The following CLIC4 variants were observed in gnomAD, a reference collection of about 807,000 sequenced individuals.
CLIC4 encodes the protein chloride intracellular channel protein 4.
In CLIC4, 13 loss-of-function variants were observed where a neutral mutation model predicts 24.6. The observed-to-expected ratio is 0.53, with a 90% CI of 0.34 to 0.84. The LOEUF (loss-of-function observed/expected upper bound fraction) is 0.84, where lower values mean the gene tolerates loss of function less well. Among genes scored for constraint, CLIC4 ranks in the 40% least tolerant of loss-of-function variants. CLIC4 has a pLI of 0.01. For synonymous variants in CLIC4, 104 were observed against 111.3 expected (o/e 0.93, Z 0.41); for missense variants, 227 against 301.7 (o/e 0.75, Z 1.83).
At chr1:24,830,775 C>G (rs184820317) in intron 4 of CLIC4, among the ~76,000 whole-genome samples, 56 of 152,228 alleles carry the variant, frequency 3.7e-4, no homozygotes, top group Admixed American at 2.2e-3. Context: ...TATGAAATAG[C>G]TTCTTAGGGA....
intron 1 of CLIC4, among the ~76,000 whole-genome samples, chr1:24,749,239 AAAG>A (rs1272815738): frequency 1.3e-5 from 2 of 152,040 alleles, no homozygotes; most frequent in Non-Finnish European, 2.9e-5. Context: ...AAAAAAAAAA[AAAG>A]AAAGTAGAGA....
At chr1:24,781,807 C>T (rs573407670) in intron 1 of CLIC4, among the ~76,000 whole-genome samples, 27 of 151,830 alleles carry the variant, frequency 1.8e-4, no homozygotes, top group Middle Eastern at 3.4e-3. Context: ...CCCGCCACCA[C>T]GCCTAACTAA....
At chr1:24,802,226 A>C (rs993262530) in intron 2 of CLIC4, among the ~76,000 whole-genome samples, 1 of 152,222 alleles carries the variant, frequency 6.6e-6, no homozygotes, top group Non-Finnish European at 1.5e-5. Flanking sequence ...AAAAGGAAGT[A>C]AACCCATTAT....
intron 1 of CLIC4, among the ~76,000 whole-genome samples, chr1:24,764,264 C>A (rs1638964583): frequency 6.6e-6 from 1 of 152,090 alleles, no homozygotes; most frequent in African/African-American, 2.4e-5. Flanking sequence ...CCACACCCGG[C>A]TAATTTTGTA....
chr1:24,766,105 C>T (rs926613403), intron 1 of CLIC4, among the ~76,000 whole-genome samples: 1 of 151,890 alleles, frequency 6.6e-6, no homozygotes, highest in Non-Finnish European at 1.5e-5. Context: ...CTCCCGAGTT[C>T]CAGCTATTCT....
At chr1:24,783,379 G>A (rs914099616) in intron 1 of CLIC4, among the ~76,000 whole-genome samples, 7 of 151,350 alleles carry the variant, frequency 4.6e-5, no homozygotes, top group African/African-American at 1.2e-4. Flanking sequence ...CCCCTGACAC[G>A]CCAAATTATT....
At chr1:24,814,763 G>A (rs1639651823) in intron 3 of CLIC4, among the ~76,000 whole-genome samples, 1 of 152,202 alleles carries the variant, frequency 6.6e-6, no homozygotes, top group Admixed American at 6.5e-5. Flanking sequence ...TGTAATGATA[G>A]TTACCTAAAT....
At chr1:24,807,539 T>C (rs1233115295) in intron 2 of CLIC4, among the ~76,000 whole-genome samples, 1 of 152,112 alleles carries the variant, frequency 6.6e-6, no homozygotes, top group African/African-American at 2.4e-5. Context: ...CTAAAGTAAT[T>C]CTGATTGGCT....
intron 3 of CLIC4, among the ~76,000 whole-genome samples, chr1:24,816,555 C>T (rs1166853599): frequency 1.3e-5 from 2 of 152,036 alleles, no homozygotes; most frequent in Non-Finnish European, 2.9e-5. Flanking sequence ...GCTGAATGTT[C>T]TTAATTGCAT....
chr1:24,814,471 C>T (rs746541855), intron 3 of CLIC4, among the ~76,000 whole-genome samples: 2 of 152,000 alleles, frequency 1.3e-5, no homozygotes, highest in Admixed American at 6.6e-5. Flanking sequence ...TCTGATAGGT[C>T]AGGAAAGACT....
At chr1:24,824,806 C>G (rs771942038) in intron 3 of CLIC4, among the ~76,000 whole-genome samples, 4 of 151,766 alleles carry the variant, frequency 2.6e-5, no homozygotes, top group Non-Finnish European at 5.9e-5. Flanking sequence ...CAACACTAGC[C>G]TGGGCAACAT....
intron 4 of CLIC4, among the ~76,000 whole-genome samples, chr1:24,827,610 A>G (rs1157769850): frequency 1.4e-5 from 2 of 147,292 alleles, no homozygotes; most frequent in East Asian, 4.0e-4. Flanking sequence ...ACCCTTGAGC[A>G]ATGTTTGGAG....
At chr1:24,817,692 TAGCTTTCAGCCTATCTC>T (rs1446087983) in intron 3 of CLIC4, among the ~76,000 whole-genome samples, 1 of 152,256 alleles carries the variant, frequency 6.6e-6, no homozygotes, top group Non-Finnish European at 1.5e-5. Flanking sequence ...GGAAGAAGTC[TAGCTTTCAGCCTATCTC>T]AGCTTTTGGC....
intron 1 of CLIC4, among the ~76,000 whole-genome samples, chr1:24,771,410 TA>T (rs1294893509): frequency 2.0e-5 from 3 of 152,216 alleles, no homozygotes; most frequent in Non-Finnish European, 4.4e-5. Context: ...GGCTAGAATG[TA>T]AATTCCAGGA....
intron 2 of CLIC4, among the ~76,000 whole-genome samples, chr1:24,803,841 C>G (rs954554928): frequency 1.3e-5 from 2 of 152,088 alleles, no homozygotes; most frequent in Non-Finnish European, 2.9e-5. Flanking sequence ...TCACTGGGAC[C>G]TGGGGCGAGC....
intron 3 of CLIC4, among the ~76,000 whole-genome samples, chr1:24,819,881 A>C (rs1469458164): frequency 6.7e-6 from 1 of 148,890 alleles, no homozygotes; most frequent in African/African-American, 2.5e-5. Flanking sequence ...CTGGGATTAC[A>C]GGTGCCCGCC....
At chr1:24,812,512 A>G (rs999744094) in intron 2 of CLIC4, among the ~76,000 whole-genome samples, 1 of 152,190 alleles carries the variant, frequency 6.6e-6, no homozygotes, top group African/African-American at 2.4e-5. Flanking sequence ...AGTTGAAACC[A>G]GACACTAACT....
chr1:24,798,530 T>C (rs1306796675), intron 2 of CLIC4, among the ~76,000 whole-genome samples: 1 of 152,180 alleles, frequency 6.6e-6, no homozygotes, highest in Non-Finnish European at 1.5e-5. Flanking sequence ...TATTCAGGAA[T>C]GTCTATTCAC....
intron 1 of CLIC4, among the ~76,000 whole-genome samples, chr1:24,747,918 G>C (rs1403134498): frequency 6.6e-6 from 1 of 151,756 alleles, no homozygotes; most frequent in African/African-American, 2.4e-5. Flanking sequence ...CCAGCTATTC[G>C]GGAGGCTGAG....
Sources: gnomAD v4.1 joint callset for allele counts (sites outside exome capture counted in the v4.1 genomes callset) on GRCh38, gnomAD v4.1.1 for gene constraint, MANE v1.5 for transcripts, NCBI Gene and HGNC (gene_info 2026-07-23, HGNC 2026-07-21) for gene names.